The following PDXK variants were observed in gnomAD, a reference collection of about 807,000 sequenced individuals.
PDXK encodes the protein pyridoxal kinase.
In PDXK, 15 loss-of-function variants were observed where a neutral mutation model predicts 43.2. That is an observed-to-expected ratio of 0.35 (90% CI 0.23 to 0.53). The LOEUF is 0.53. Among genes scored for constraint, PDXK ranks in the 20% least tolerant of loss-of-function variants. The pLI is 0.92. For missense variants in PDXK, 343 were observed against 417.0 expected (o/e 0.82, Z 1.54); for synonymous variants, 172 against 165.4 (o/e 1.04, Z -0.31).
chr21:43,737,845 G>C lies in PDXK; in HGVS notation c.142+3722G>C, dbSNP rs1238061092. The C allele has an allele frequency of 2.0e-6, 2 of 985,376 alleles. No individual in the cohort carries two copies. 61.0% of individuals were successfully genotyped at this position (985,376 alleles called of 1,614,324 possible). On this transcript the variant is annotated intron_variant, in intron 2 of 10. Coordinates refer to ENST00000291565, the MANE Select transcript of PDXK (RefSeq NM_003681.5). This position sits in a 1 kb window ranked among gnomAD's most constrained non-coding sequence, Gnocchi z 4.8. ...CTTGTTTGCCTGTGCTTTTTCATCT[G>C]TAAATGGAATGAGTTGGACACAAGA... is the stretch of plus-strand genomic sequence containing the variant.
At chr21:43,746,624 G>A (rs1568987865) in intron 5 of PDXK, among the ~76,000 whole-genome samples, 4 of 151,982 alleles carry the variant, frequency 2.6e-5, no homozygotes, top group Admixed American at 2.0e-4. Context: ...TCACTGTGTC[G>A]TCCAGGCTGG....
Position 43,735,877 on chromosome 21 carries a change from C to T in PDXK, c.142+1754C>T, listed in dbSNP as rs969025656. ...CTCCCCTGCACCGGGGCCCTTCTGC[C>T]TGCTCCCCTTCCCTCGCCCCTGCCA... On this transcript the variant is annotated intron_variant, in intron 2 of 10. Coordinates refer to ENST00000291565, the MANE Select transcript of PDXK (RefSeq NM_003681.5). This position sits in a 1 kb window ranked among gnomAD's most constrained non-coding sequence, Gnocchi z 5.3. 6.6e-6 allele frequency among the ~76,000 whole-genome samples: 1 copy of T among 152,216 alleles called. No individual in the cohort carries two copies. The highest frequency in any genetic ancestry group is 2.4e-5 in the African/African-American group (1 of 41,458).
At position 43,734,168 on chromosome 21, in the gene PDXK, G is replaced by A; in HGVS notation, c.142+45G>A. The A allele has an allele frequency of 1.3e-6, 2 of 1,537,316 alleles. No individual in the cohort carries two copies. The highest frequency in any genetic ancestry group is 1.8e-6 in the Non-Finnish European group (2 of 1,128,534). ...AGCTGGCATAGAGCAGACTGTGGGT[G>A]TGAGGGACGGGGCGGAGTGTGGGTG... is the stretch of plus-strand genomic sequence containing the variant. On this transcript the variant is annotated intron_variant, in intron 2 of 10. Coordinates refer to ENST00000291565, the MANE Select transcript of PDXK (RefSeq NM_003681.5). This position sits in a 1 kb window ranked among gnomAD's most constrained non-coding sequence, Gnocchi z 5.0.
rs1463858537 is a variant in PDXK, at chr21:43,734,333, G to T, written c.142+210G>T. On this transcript the variant is annotated intron_variant, in intron 2 of 10. Transcript: ENST00000291565. This position sits in a 1 kb window ranked among gnomAD's most constrained non-coding sequence, Gnocchi z 5.0. ...GGTGGCCTCGCCTCTGAGAGGGGTT[G>T]TGTTGACTCAGCTTGGCTGCTTTGA... Among the ~76,000 whole-genome samples the T allele has an allele frequency of 1.3e-5, 2 of 152,134 alleles. No individual in the cohort carries two copies. The highest frequency in any genetic ancestry group is 4.8e-5 in the African/African-American group (2 of 41,416).
In PDXK at chr21:43,761,928, G is replaced by C. The variant is rs1165396506; in HGVS notation, c.*5865G>C. 1.3e-5 allele frequency: 2 copies of C among 153,830 alleles called. No individual in the cohort carries two copies. The highest frequency in any genetic ancestry group is 2.9e-5 in the Non-Finnish European group (2 of 68,134). 9.5% of individuals were successfully genotyped at this position (153,830 alleles called of 1,614,324 possible). Reference sequence around the variant, plus strand: ...CGTGGGCCCTTGGAGGGTGCCAGGTGTGTGGTGACCTTCTGGATGCCTTTA... The same window carrying C: ...CGTGGGCCCTTGGAGGGTGCCAGGTCTGTGGTGACCTTCTGGATGCCTTTA... On this transcript the variant is annotated 3_prime_UTR_variant, in exon 11 of 11. Transcript: ENST00000291565.
rs575465558 is a variant in PDXK, at chr21:43,750,078, A to G, written c.465-422A>G. 6.1e-4 allele frequency among the ~76,000 whole-genome samples: 93 copies of G among 152,248 alleles called. No homozygotes were observed. The South Asian group carries it at 0.019, about 32-fold the overall frequency. ...GACTCTTGGAGGCCTGGGATCCCTG[A>G]CCTGGGCCTGTCCAAACTTGGGGGT... On this transcript the variant is annotated intron_variant, in intron 6 of 10. Transcript: ENST00000291565.
At chr21:43,745,870 GC>G in intron 4 of PDXK, 1 of 593,968 alleles carries the variant, frequency 1.7e-6, no homozygotes, top group East Asian at 2.9e-5. Context: ...GCTGCTGCAT[GC>G]CTGTGGTCTC....
intron 8 of PDXK, 67 bp from the exon 9 acceptor site, chr21:43,753,516 G>T (rs894039537): frequency 2.6e-6 from 4 of 1,539,302 alleles, no homozygotes; most frequent in Non-Finnish European, 3.5e-6. Flanking sequence ...GGAGGATCAG[G>T]GATGGGAGGC....
Position 43,735,542 on chromosome 21 carries a change from C to T in PDXK, c.142+1419C>T, listed in dbSNP as rs2147237940. Among the ~76,000 whole-genome samples the T allele has an allele frequency of 6.6e-6, 1 of 152,312 alleles. No individual in the cohort carries two copies. Among genetic ancestry groups the T allele is most frequent in the East Asian group, 1.9e-4 (1 of 5,180 alleles). On this transcript the variant is annotated intron_variant, in intron 2 of 10. Coordinates refer to ENST00000291565, the MANE Select transcript of PDXK (RefSeq NM_003681.5). The surrounding 1 kb of genome is among the most constrained non-coding windows in gnomAD (Gnocchi z 5.3). Reference sequence around the variant, plus strand: ...GGGGACTGGGATGAGGACAGGACCCCAGGCGCTTGGGAGCCTCCACAGTTG... The same window carrying T: ...GGGGACTGGGATGAGGACAGGACCCTAGGCGCTTGGGAGCCTCCACAGTTG...
At chr21:43,740,612 C>T (rs1316110762) in intron 2 of PDXK, among the ~76,000 whole-genome samples, 1 of 151,926 alleles carries the variant, frequency 6.6e-6, no homozygotes, top group Non-Finnish European at 1.5e-5. Context: ...TTCCGCAGTG[C>T]AGGAAGGGCT....
intron 1 of PDXK, chr21:43,733,690 AGT>A (rs2083357019): frequency 9.2e-7 from 1 of 1,088,810 alleles, no homozygotes; most frequent in South Asian, 2.5e-5. Context: ...GCCTCTGTTC[AGT>A]GTGTGGACAG....
At chr21:43,750,465 C>G in intron 6 of PDXK, 35 bp from the exon 7 acceptor site, 1 of 1,585,912 alleles carries the variant, frequency 6.3e-7, no homozygotes, top group Non-Finnish European at 8.6e-7. Flanking sequence ...AGAGGCTCAC[C>G]TGTCCCCACC....
intron 1 of PDXK, among the ~76,000 whole-genome samples, chr21:43,733,403 G>A (rs1420357155): frequency 1.3e-5 from 2 of 152,140 alleles, no homozygotes; most frequent in African/African-American, 4.8e-5. Flanking sequence ...GGGCATTGCT[G>A]GTGCACGGGA....
chr21:43,761,334 A>G lies in PDXK; in HGVS notation c.*5271A>G, dbSNP rs568070842. On this transcript the variant is annotated 3_prime_UTR_variant, in exon 11 of 11. Coordinates refer to ENST00000291565, the MANE Select transcript of PDXK (RefSeq NM_003681.5). ...CAACAGGAAACCCATTTCTGGTGGG[A>G]TATGCCTTCCAGTGCCACAGGGCCA... is the stretch of plus-strand genomic sequence containing the variant. The G allele has an allele frequency of 6.4e-6, 1 of 155,264 alleles. No individual in the cohort carries two copies. Among genetic ancestry groups the G allele is most frequent in the Non-Finnish European group, 1.4e-5 (1 of 69,436 alleles). 9.6% of individuals were successfully genotyped at this position (155,264 alleles called of 1,614,324 possible).
intron 9 of PDXK, 192 bp from the exon 10 acceptor site, chr21:43,755,506 T>G (rs1178349045): frequency 3.3e-6 from 2 of 607,868 alleles, no homozygotes; most frequent in Admixed American, 5.5e-5. Flanking sequence ...TGCTCAGCCC[T>G]CCGGGCTCTC....
Position 43,737,223 on chromosome 21 carries a change from T to C in PDXK, c.142+3100T>C. 1 of 1,432,384 alleles carries C rather than the reference T, an allele frequency of 7.0e-7. No individual in the cohort carries two copies. The highest frequency in any genetic ancestry group is 2.5e-5 in the East Asian group (1 of 39,570). 88.7% of individuals were successfully genotyped at this position (1,432,384 alleles called of 1,614,324 possible). ...CTGCGTTGTTGGTTCCCTGACGCCC[T>C]TCAGGCTGGGGGGTGGGAAAGCCGA... On this transcript the variant is annotated intron_variant, in intron 2 of 10. Transcript: ENST00000291565. The surrounding 1 kb of genome is among the most constrained non-coding windows in gnomAD (Gnocchi z 4.8).
chr21:43,729,346 G>A (rs1404906614), intron 1 of PDXK, among the ~76,000 whole-genome samples: 4 of 152,246 alleles, frequency 2.6e-5, no homozygotes, highest in African/African-American at 9.6e-5. Flanking sequence ...CCGTAGGCAC[G>A]GTTGCAGCAG....
chr21:43,722,972 G>A (rs1171703775), intron 1 of PDXK, among the ~76,000 whole-genome samples: 2 of 152,056 alleles, frequency 1.3e-5, no homozygotes, highest in Non-Finnish European at 2.9e-5. Flanking sequence ...TGAGTAGCTG[G>A]GACCACAGGC....
rs2083419344 is a variant in PDXK, at chr21:43,737,205, G to C, written c.142+3082G>C. ...ACGGGTGTTCCACACAAGCTGCGTT[G>C]TTGGTTCCCTGACGCCCTTCAGGCT... is the stretch of plus-strand genomic sequence containing the variant. On this transcript the variant is annotated intron_variant, in intron 2 of 10. Transcript: ENST00000291565. This position sits in a 1 kb window ranked among gnomAD's most constrained non-coding sequence, Gnocchi z 4.8. 1 of 1,439,004 alleles carries C rather than the reference G, an allele frequency of 6.9e-7. No homozygotes were observed. Among genetic ancestry groups the C allele is most frequent in the African/African-American group, 1.4e-5 (1 of 70,020 alleles). The allele number at this position is 1,439,004 out of a possible 1,614,324, so 89.1% of individuals were successfully genotyped here.
Sources: allele counts gnomAD v4.1 joint callset (sites outside exome capture counted in the v4.1 genomes callset), GRCh38; gene constraint gnomAD v4.1.1; non-coding constraint Gnocchi (gnomAD v3.1); transcripts MANE v1.5; gene names NCBI Gene and HGNC (gene_info 2026-07-23, HGNC 2026-07-21).